Variants in PLCH1 observed in about 807,000 individuals in gnomAD.
PLCH1 encodes the protein 1-phosphatidylinositol 4,5-bisphosphate phosphodiesterase eta-1.
A neutral mutation model predicts 126.7 loss-of-function variants in PLCH1; 60 were observed. That is an observed-to-expected ratio of 0.47 (90% confidence interval 0.38 to 0.59). PLCH1 has a LOEUF of 0.59. PLCH1 is among the 20% of genes least tolerant of loss of function. The probability of loss-of-function intolerance (pLI) is 0.00; values close to 1 mark genes in which losing one functional copy is unlikely to be tolerated. For synonymous variants in PLCH1, 719 were observed against 734.9 expected (o/e 0.98, Z 0.35); for missense variants, 1,723 against 2,040.0 (o/e 0.84, Z 2.99).
intron 6 of PLCH1, among the ~76,000 whole-genome samples, chr3:155,579,324 A>T (rs2108576179): frequency 6.6e-6 from 1 of 152,340 alleles, no homozygotes; most frequent in East Asian, 1.9e-4. Flanking sequence ...CTCCTTGGAA[A>T]TGGCTAGATC....
At chr3:155,664,392 TA>T (rs759381888) in intron 2 of PLCH1, among the ~76,000 whole-genome samples, 2 of 152,174 alleles carry the variant, frequency 1.3e-5, no homozygotes, top group Admixed American at 6.5e-5. Context: ...TAATAAACAA[TA>T]AAAGAATAAG....
chr3:155,551,383 T>G (rs1229626063), intron 9 of PLCH1, among the ~76,000 whole-genome samples: 8 of 127,908 alleles, frequency 6.3e-5, no homozygotes, highest in African/African-American at 2.4e-4. Context: ...AGGCGGAGGT[T>G]GCAGTGAGCT....
In PLCH1 at chr3:155,684,699, T is replaced by C. The variant is rs144999626; in HGVS notation, c.79+19447A>G. ...AAAGAGATTGTACTGGCTCCTCCGG[T>C]AACAATTTTCAATACGTTACAGCTC... On this transcript the variant is annotated intron_variant, in intron 2 of 22. Transcript: ENST00000460012. Among the ~76,000 whole-genome samples the C allele has an allele frequency of 3.8e-3, 578 of 152,252 alleles. 1 individual carries two copies. The highest frequency in any genetic ancestry group is 7.0e-3 in the Admixed American group (107 of 15,280).
At chr3:155,668,982 A>G (rs575281106) in intron 2 of PLCH1, among the ~76,000 whole-genome samples, 6 of 152,316 alleles carry the variant, frequency 3.9e-5, no homozygotes, top group African/African-American at 1.2e-4. Flanking sequence ...CCCCTTGTGC[A>G]TAACTGGGGA....
At chr3:155,699,822 T>A (rs117886382) in intron 2 of PLCH1, among the ~76,000 whole-genome samples, 3 of 147,680 alleles carry the variant, frequency 2.0e-5, no homozygotes, top group African/African-American at 5.1e-5. Context: ...CTGTGACCAT[T>A]CACACACACA....
intron 10 of PLCH1, among the ~76,000 whole-genome samples, chr3:155,525,668 C>T (rs2108302300): frequency 6.6e-6 from 1 of 152,092 alleles, no homozygotes; most frequent in Non-Finnish European, 1.5e-5. Context: ...TGCAGCGAGA[C>T]TCCTGCCCAG....
intron 12 of PLCH1, among the ~76,000 whole-genome samples, chr3:155,511,269 A>G (rs1441203282): frequency 1.6e-5 from 2 of 128,548 alleles, no homozygotes; most frequent in African/African-American, 7.2e-5. Flanking sequence ...AAATTTTTTC[A>G]AAGTTTTCAA....
At chr3:155,709,554 C>T (rs1746933612) in intron 1 of PLCH1, among the ~76,000 whole-genome samples, 1 of 152,328 alleles carries the variant, frequency 6.6e-6, no homozygotes, top group East Asian at 1.9e-4. Context: ...AGCACCTTTT[C>T]ATATGCTTGT....
chr3:155,483,959 AT>A (rs1714593530), intron 22 of PLCH1, among the ~76,000 whole-genome samples: 7 of 152,178 alleles, frequency 4.6e-5, no homozygotes, highest in Non-Finnish European at 1.0e-4. Context: ...AACTAAAAAT[AT>A]TCATCATAAA....
intron 2 of PLCH1, among the ~76,000 whole-genome samples, chr3:155,652,953 A>G (rs1266511743): frequency 6.6e-6 from 1 of 152,160 alleles, no homozygotes; most frequent in Non-Finnish European, 1.5e-5. Flanking sequence ...CCACTTTAAT[A>G]GTCCCACCTA....
chr3:155,659,913 C>A (rs1741934515), intron 2 of PLCH1, among the ~76,000 whole-genome samples: 1 of 152,176 alleles, frequency 6.6e-6, no homozygotes, highest in Non-Finnish European at 1.5e-5. Flanking sequence ...GGATTACAAG[C>A]ATAAGCCACC....
At chr3:155,517,915 G>A (rs1720572841) in intron 11 of PLCH1, among the ~76,000 whole-genome samples, 2 of 152,180 alleles carry the variant, frequency 1.3e-5, no homozygotes, top group Admixed American at 1.3e-4. Context: ...ATGAGCCACA[G>A]GGAAATACAG....
intron 12 of PLCH1, among the ~76,000 whole-genome samples, chr3:155,506,356 T>A (rs1232619708): frequency 6.6e-6 from 1 of 151,500 alleles, no homozygotes; most frequent in Non-Finnish European, 1.5e-5. Context: ...TTTTTTTTTT[T>A]TTTTTTTTAT....
intron 2 of PLCH1, among the ~76,000 whole-genome samples, chr3:155,603,551 C>G (rs1734003629): frequency 6.6e-6 from 1 of 152,152 alleles, no homozygotes; most frequent in South Asian, 2.1e-4. Context: ...GGTCTGGGCT[C>G]TGTCACTGGC....
chr3:155,670,025 G>C (rs1188058393), intron 2 of PLCH1, among the ~76,000 whole-genome samples: 1 of 152,130 alleles, frequency 6.6e-6, no homozygotes, highest in Non-Finnish European at 1.5e-5. Context: ...TATCAACCAT[G>C]GTTATGTCCA....
intron 21 of PLCH1, chr3:155,486,268 C>G: frequency 9.7e-7 from 1 of 1,027,648 alleles, no homozygotes; most frequent in Non-Finnish European, 1.4e-6. Context: ...GAGGGTGTCA[C>G]AAGTAAACAC....
chr3:155,453,764 A>G (rs958085996), intron 21 of PLCH1, among the ~76,000 whole-genome samples: 10 of 151,364 alleles, frequency 6.6e-5, no homozygotes, highest in African/African-American at 2.4e-4. Context: ...GAAATTAATA[A>G]TTTATGATTA....
rs529269606 is a variant in PLCH1 at position 155,624,106 on chromosome 3, CA to C, written c.80-27729del. Among the ~76,000 whole-genome samples, 70 of 151,444 alleles carry C rather than the reference CA, an allele frequency of 4.6e-4. 1 individual carries two copies. The South Asian group carries it at 0.014, about 29-fold the overall frequency. Reference sequence around the variant, plus strand: ...CAAGGCTGGTTCAACATACGCAAATCAATAAATGTAATCCATCACATAAACA... The same window carrying C: ...CAAGGCTGGTTCAACATACGCAAATCATAAATGTAATCCATCACATAAACA... On this transcript the variant is annotated intron_variant, in intron 2 of 22. Coordinates refer to ENST00000460012, the MANE Select transcript of PLCH1 (RefSeq NM_014996.4).
At chr3:155,579,479 T>C (rs1268495552) in intron 6 of PLCH1, among the ~76,000 whole-genome samples, 1 of 152,220 alleles carries the variant, frequency 6.6e-6, no homozygotes, top group African/African-American at 2.4e-5. Context: ...TGTGATCAAG[T>C]TGCAAGGTAA....
Sources: gnomAD v4.1 joint callset for allele counts (sites outside exome capture counted in the v4.1 genomes callset) on GRCh38, gnomAD v4.1.1 for gene constraint, MANE v1.5 for transcripts, NCBI Gene and HGNC (gene_info 2026-07-23, HGNC 2026-07-21) for gene names.